Variants in FRMD4A observed in about 807,000 individuals in gnomAD.
The protein encoded by FRMD4A is FERM domain containing 4A.
A neutral mutation model predicts 129.1 loss-of-function variants in FRMD4A; 29 were observed. That is an observed-to-expected ratio of 0.22 (90% CI 0.17 to 0.31). FRMD4A has a LOEUF of 0.31. Among genes scored for constraint, FRMD4A ranks in the 10% least tolerant of loss-of-function variants. The pLI, the probability that FRMD4A is intolerant of heterozygous loss-of-function variation, is 1.00. For synonymous variants in FRMD4A, 634 were observed against 571.6 expected, an observed-to-expected ratio of 1.11 and a Z score of -1.56; for missense variants, 1,272 against 1,375.8, an observed-to-expected ratio of 0.92 and a Z score of 1.19.
chr10:14,116,879 C>T (rs918536837), intron 2 of FRMD4A, among the ~76,000 whole-genome samples: 1 of 152,222 alleles, frequency 6.6e-6, no homozygotes, highest in Non-Finnish European at 1.5e-5. Context: ...TATGTTACAT[C>T]TGTCTTGGTG....
At chr10:13,761,510 G>A (rs1458013860) in intron 8 of FRMD4A, 137 bp downstream of exon 8, 2 of 667,886 alleles carry the variant, frequency 3.0e-6, no homozygotes, top group Admixed American at 2.7e-5. Flanking sequence ...CAGTGGACAA[G>A]TTGAGAGTTA....
intron 13 of FRMD4A, among the ~76,000 whole-genome samples, chr10:13,703,156 C>T (rs1239751731): frequency 6.6e-6 from 1 of 152,060 alleles, no homozygotes; most frequent in Non-Finnish European, 1.5e-5. Flanking sequence ...AAAGGTGGTG[C>T]AAGGCTAGGT....
chr10:14,266,666 A>T (rs1202504292), intron 2 of FRMD4A, among the ~76,000 whole-genome samples: 2 of 152,238 alleles, frequency 1.3e-5, no homozygotes, highest in Non-Finnish European at 1.5e-5. Context: ...AAATGGGAGG[A>T]GAAAAAATCA....
chr10:13,793,600 G>A (rs778965837), intron 5 of FRMD4A, among the ~76,000 whole-genome samples: 5 of 152,150 alleles, frequency 3.3e-5, no homozygotes, highest in South Asian at 2.1e-4. Flanking sequence ...GTCAGGCTGC[G>A]TCAAGATATG....
At chr10:13,840,772 G>C (rs1428035656) in intron 3 of FRMD4A, among the ~76,000 whole-genome samples, 7 of 97,730 alleles carry the variant, frequency 7.2e-5, no homozygotes, top group Admixed American at 3.2e-4. Flanking sequence ...TGGGCAAAAA[G>C]AGTGAGACTC....
At chr10:13,947,564 A>G (rs1266831968) in intron 2 of FRMD4A, among the ~76,000 whole-genome samples, 1 of 151,978 alleles carries the variant, frequency 6.6e-6, no homozygotes, top group Non-Finnish European at 1.5e-5. Flanking sequence ...GTTATCATTT[A>G]TAAAAGAGAC....
intron 2 of FRMD4A, among the ~76,000 whole-genome samples, chr10:13,860,433 A>G (rs958863099): frequency 3.9e-5 from 6 of 152,220 alleles, no homozygotes; most frequent in Admixed American, 1.3e-4. Context: ...CCAGGCTAGT[A>G]TGAAATAGCT....
intron 2 of FRMD4A, among the ~76,000 whole-genome samples, chr10:14,253,215 C>T (rs1009868493): frequency 3.9e-5 from 6 of 152,086 alleles, no homozygotes; most frequent in African/African-American, 9.7e-5. Context: ...AGGTTAGCAC[C>T]GCTGAAGACC....
chr10:13,760,968 G>A (rs1169149140), intron 8 of FRMD4A, among the ~76,000 whole-genome samples: 1 of 151,102 alleles, frequency 6.6e-6, no homozygotes, highest in African/African-American at 2.4e-5. Flanking sequence ...TACACCCTCT[G>A]CTCTGTGCAG....
intron 2 of FRMD4A, chr10:13,871,139 G>T (rs2094434746): frequency 1.2e-5 from 2 of 164,906 alleles, no homozygotes. Context: ...GGTTCGCCCT[G>T]ATGACAGACA....
At chr10:14,182,663 C>T (rs1841951784) in intron 2 of FRMD4A, among the ~76,000 whole-genome samples, 1 of 152,126 alleles carries the variant, frequency 6.6e-6, no homozygotes, top group African/African-American at 2.4e-5. Flanking sequence ...AGGGATGTTC[C>T]TAGGTTCCTT....
chr10:14,066,445 C>G (rs1263476213), intron 2 of FRMD4A, among the ~76,000 whole-genome samples: 1 of 152,040 alleles, frequency 6.6e-6, no homozygotes, highest in African/African-American at 2.4e-5. Context: ...GTTGAAGAAA[C>G]AAGCAAATGC....
intron 2 of FRMD4A, among the ~76,000 whole-genome samples, chr10:14,093,454 A>G (rs1046227716): frequency 2.6e-5 from 4 of 152,194 alleles, no homozygotes; most frequent in Non-Finnish European, 4.4e-5. Flanking sequence ...TGGTGGTTAT[A>G]TGGAGAAATT....
At chr10:14,027,760 C>A (rs1403368568) in intron 2 of FRMD4A, among the ~76,000 whole-genome samples, 1 of 152,206 alleles carries the variant, frequency 6.6e-6, no homozygotes, top group Non-Finnish European at 1.5e-5. Flanking sequence ...CACTGGGGCT[C>A]TAGAAGAATG....
chr10:14,322,728 T>C (rs187807019), intron 2 of FRMD4A, among the ~76,000 whole-genome samples: 12 of 152,326 alleles, frequency 7.9e-5, no homozygotes, highest in Admixed American at 7.8e-4. Context: ...ACGAACCACA[T>C]GGTCTTGGTA....
chr10:14,264,292 T>C (rs1190302686), intron 2 of FRMD4A, among the ~76,000 whole-genome samples: 1 of 152,148 alleles, frequency 6.6e-6, no homozygotes, highest in Non-Finnish European at 1.5e-5. Context: ...TTATCTTTTA[T>C]CCCAGGTTCC....
intron 15 of FRMD4A, among the ~76,000 whole-genome samples, 154 bp from the exon 16 acceptor site, chr10:13,675,198 G>A (rs566245180): frequency 2.0e-5 from 3 of 152,254 alleles, no homozygotes; most frequent in African/African-American, 7.2e-5. Context: ...CTCTAACTGT[G>A]AGAAGCACAT....
At chr10:14,194,609 TCAACAACAACAA>T (rs1046419901) in intron 2 of FRMD4A, among the ~76,000 whole-genome samples, 1 of 151,936 alleles carries the variant, frequency 6.6e-6, no homozygotes, top group African/African-American at 2.4e-5. Flanking sequence ...AGACTCTGTC[TCAACAACAACAA>T]CAACAACAAA....
intron 21 of FRMD4A, among the ~76,000 whole-genome samples, chr10:13,658,053 G>A (rs1220527480): frequency 6.7e-6 from 1 of 148,674 alleles, no homozygotes; most frequent in Non-Finnish European, 1.5e-5. Context: ...TGAAGAGGGA[G>A]GATCACTTGA....
Sources: gnomAD v4.1 joint callset for allele counts (sites outside exome capture counted in the v4.1 genomes callset) on GRCh38, gnomAD v4.1.1 for gene constraint, MANE v1.5 for transcripts, NCBI Gene and HGNC (gene_info 2026-07-23, HGNC 2026-07-21) for gene names.